The following MYOF variants were observed in gnomAD, a reference collection of about 807,000 sequenced individuals.
MYOF encodes fer-1-like 3, myoferlin.
Under a neutral mutation model 284.2 loss-of-function variants are expected in MYOF, and 244 were observed. That is an observed-to-expected ratio of 0.86 (90% CI 0.77 to 0.95). The LOEUF is 0.95. Among genes scored for constraint, MYOF ranks in the 40% least tolerant of loss-of-function variants. The probability of loss-of-function intolerance (pLI) is 0.00; values close to 1 mark genes in which losing one functional copy is unlikely to be tolerated. For missense variants in MYOF, 2,496 were observed against 2,560.6 expected, an observed-to-expected ratio of 0.97 and a Z score of 0.54; for synonymous variants, 904 against 919.7, an observed-to-expected ratio of 0.98 and a Z score of 0.31.
intron 46 of MYOF, 51 bp downstream of exon 46, chr10:93,325,775 A>G: frequency 6.4e-7 from 1 of 1,555,268 alleles, no homozygotes; most frequent in South Asian, 1.2e-5. Flanking sequence ...AACTACTGCC[A>G]TTGCATTTGG....
chr10:93,309,921 G>A, intron 53 of MYOF, 99 bp downstream of exon 53: 1 of 1,450,296 alleles, frequency 6.9e-7, no homozygotes, highest in Non-Finnish European at 9.5e-7. Flanking sequence ...CTGCTGAGCG[G>A]GTCATTCTTC....
intron 15 of MYOF, 83 bp downstream of exon 15, chr10:93,397,164 G>A (rs1847057086): frequency 8.0e-7 from 1 of 1,250,258 alleles, no homozygotes; most frequent in Admixed American, 2.3e-5. Context: ...CAAAATACCA[G>A]AAAGAGACAA....
In MYOF at chr10:93,349,827, G is replaced by C. The variant is rs1347802789; in HGVS notation, c.4064C>G (p.Ser1355Cys). 1 of 1,614,044 alleles carries C rather than the reference G, an allele frequency of 6.2e-7. No homozygotes were observed. The highest frequency in any genetic ancestry group is 8.5e-7 in the Non-Finnish European group (1 of 1,180,004). The change falls in exon 36 of 54, where the codon TCT (serine) becomes TGT (cysteine). Residue 1355 changes from serine (S) to cysteine (C), a missense_variant. Ser to Cys is a moderately radical substitution (Grantham distance 112). This residue lies in a region of MYOF where 2,436 missense variants were observed against 2,480.7 expected (regional missense o/e 0.98). Coordinates refer to ENST00000359263, the MANE Select transcript of MYOF (RefSeq NM_013451.4). ...NLKKTPNFPS[S>C]VLFMKVFLPK... The stretch of plus-strand genomic sequence containing the variant: ...CTGTACCACTTTCATGAAGAGAACA[G>C]AACTTGGAAAGTTGGGTGTCTTCTT...
intron 7 of MYOF, among the ~76,000 whole-genome samples, chr10:93,407,984 A>C (rs1617402): frequency 1.3e-5 from 2 of 151,870 alleles, no homozygotes; most frequent in Non-Finnish European, 2.9e-5. Flanking sequence ...TCAAGAAGTT[A>C]TCACAAAAAC....
In MYOF at chr10:93,403,976, G is replaced by A. The variant is rs762339519; in HGVS notation, c.843+47C>T. The A allele has an allele frequency of 3.8e-6, 6 of 1,587,912 alleles. No homozygotes were observed. The Admixed American group carries it at 1.0e-4, about 26-fold the overall frequency. ...TAGGAATCAGATTTCTATTATGAAA[G>A]TTCTCATCTTTCTGTAAGTTGAATG... On this transcript the variant is annotated intron_variant, in intron 9 of 53. Coordinates refer to ENST00000359263, the MANE Select transcript of MYOF (RefSeq NM_013451.4).
intron 1 of MYOF, among the ~76,000 whole-genome samples, chr10:93,474,758 T>G (rs1019512894): frequency 3.3e-5 from 5 of 151,884 alleles, no homozygotes; most frequent in African/African-American, 9.7e-5. Context: ...ATTTTTTTTT[T>G]TTTTTGAGAT....
chr10:93,322,828 C>CA (rs1842897893), intron 48 of MYOF, among the ~76,000 whole-genome samples: 1 of 152,096 alleles, frequency 6.6e-6, no homozygotes, highest in African/African-American at 2.4e-5. Flanking sequence ...TCCATTTTGT[C>CA]AAAAAGGAAA....
intron 37 of MYOF, among the ~76,000 whole-genome samples, chr10:93,346,776 C>T (rs894946999): frequency 2.0e-5 from 3 of 152,176 alleles, no homozygotes; most frequent in African/African-American, 4.8e-5. Flanking sequence ...CACACTTCCT[C>T]GTTTGCCTTC....
Position 93,333,207 on chromosome 10 carries a change from A to G in MYOF, c.4811+14T>C, listed in dbSNP as rs575528405. The G allele has an allele frequency of 7.5e-6, 12 of 1,605,424 alleles. No homozygotes were observed. The highest frequency in any genetic ancestry group is 2.7e-5 in the African/African-American group (2 of 74,866). ...GAAATGAAGGCCAGAAAAACATTTA[A>G]GAATGTATATTACCTGCCAAAGACT... On this transcript the variant is annotated intron_variant, in intron 43 of 53. Transcript: ENST00000359263.
In MYOF at chr10:93,459,077, C is replaced by T. The variant is rs877256; in HGVS notation, c.89-2140G>A. On this transcript the variant is annotated intron_variant, in intron 1 of 53. Transcript: ENST00000359263. ...TAAGCTTCAGCGTGACGCTCCTCGT[C>T]GGCTTGTGCCCAGACCTATCCTGGC... Among the ~76,000 whole-genome samples, 2,876 of 152,314 alleles carry T rather than the reference C, an allele frequency of 0.019. 178 individuals are homozygous for T. The East Asian group carries it at 0.25, about 13-fold the overall frequency.
chr10:93,311,455 CAA>C (rs11397640), intron 51 of MYOF, among the ~76,000 whole-genome samples: 13 of 129,656 alleles, frequency 1.0e-4, no homozygotes, highest in Admixed American at 1.6e-4. Context: ...ACTAAAAATA[CAA>C]AAAAAAAAAA....
chr10:93,445,520 G>A (rs1193917031), intron 3 of MYOF, among the ~76,000 whole-genome samples: 3 of 152,196 alleles, frequency 2.0e-5, no homozygotes, highest in Non-Finnish European at 2.9e-5. Flanking sequence ...AGGCTCCTCT[G>A]TCTCCTTTCT....
chr10:93,373,191 G>T (rs1480131987), intron 23 of MYOF, 106 bp from the exon 24 acceptor site: 20 of 1,322,566 alleles, frequency 1.5e-5, no homozygotes, highest in Non-Finnish European at 2.1e-5. Context: ...ATTTAGCAAA[G>T]AAACGCTGTG....
intron 53 of MYOF, among the ~76,000 whole-genome samples, chr10:93,308,072 G>A (rs1462714698): frequency 6.7e-6 from 1 of 149,782 alleles, no homozygotes; most frequent in African/African-American, 2.5e-5. Flanking sequence ...GTGAAACCCC[G>A]TCTCTACTAA....
intron 1 of MYOF, among the ~76,000 whole-genome samples, chr10:93,479,393 T>A (rs1004534836): frequency 6.6e-6 from 1 of 152,156 alleles, no homozygotes; most frequent in Non-Finnish European, 1.5e-5. Context: ...GCTATAAGTA[T>A]CCTCAGTTCA....
At chr10:93,395,883 A>G (rs1424402878) in intron 16 of MYOF, among the ~76,000 whole-genome samples, 1 of 150,850 alleles carries the variant, frequency 6.6e-6, no homozygotes, top group Non-Finnish European at 1.5e-5. Context: ...AAATCTTCAA[A>G]CTGTAAATTT....
intron 46 of MYOF, among the ~76,000 whole-genome samples, chr10:93,324,897 A>G (rs113364261): frequency 0.02 from 3,102 of 152,098 alleles, 120 homozygotes; most frequent in African/African-American, 0.068. Context: ...CTCCTGCCTC[A>G]GCCTCCCGAG....
At position 93,366,595 on chromosome 10, in the gene MYOF, G is replaced by A. The variant is rs772404890; in HGVS notation, c.2590-40C>T. On this transcript the variant is annotated intron_variant, in intron 25 of 53. Coordinates refer to ENST00000359263, the MANE Select transcript of MYOF (RefSeq NM_013451.4). ...ATAAAATTGGAGAAACACCATCAGA[G>A]AGCAAAAAATAAAGCTAGCACATAC... is the stretch of plus-strand genomic sequence containing the variant. 2.6e-6 allele frequency: 4 copies of A among 1,529,200 alleles called. No homozygotes were observed. The South Asian group carries it at 4.9e-5, about 19-fold the overall frequency. 94.7% of individuals were successfully genotyped at this position (1,529,200 alleles called of 1,614,324 possible).
At chr10:93,339,036 C>T (rs60900046) in intron 39 of MYOF, among the ~76,000 whole-genome samples, 46,493 of 134,910 alleles carry the variant, frequency 0.34, 9,111 homozygotes, top group East Asian at 0.89. Context: ...TTTTTTGAGA[C>T]GGAGTCTCAC....
Sources: allele counts gnomAD v4.1 joint callset (sites outside exome capture counted in the v4.1 genomes callset), GRCh38; gene constraint gnomAD v4.1.1; regional missense constraint gnomAD v4.1.1; transcripts MANE v1.5; gene names NCBI Gene and HGNC (gene_info 2026-07-23, HGNC 2026-07-21).